The following ANKHD1 variants were observed in gnomAD, a reference collection of about 807,000 sequenced individuals.
ANKHD1 encodes the protein ankyrin repeat and KH domain containing 1.
ANKHD1 carries 31 observed loss-of-function variants against 230.5 expected under a neutral mutation model. The observed-to-expected ratio is 0.13, with a 90% CI of 0.10 to 0.18. The LOEUF (loss-of-function observed/expected upper bound fraction) is 0.18. Among genes scored for constraint, ANKHD1 ranks in the 10% least tolerant of loss-of-function variants. The pLI is 1.00. For synonymous variants in ANKHD1, 1,074 were observed against 1,117.6 expected (o/e 0.96, Z 0.78); for missense variants, 2,256 against 3,071.3 (o/e 0.73, Z 6.27).
At position 140,507,773 on chromosome 5, in the gene ANKHD1, T is replaced by C. The variant is rs1488485433; in HGVS notation, c.3552-12T>C. On this transcript the variant is annotated splice_polypyrimidine_tract_variant and intron_variant, in intron 19 of 33. Transcript: ENST00000360839. This position sits in a 1 kb window ranked among gnomAD's most constrained non-coding sequence, Gnocchi z 4.1. ...TATTATTTTAATTTTCTAAGCACATTTCCCCCTTTAGGACTGGGAGTAAAC... is the reference window on the plus strand; with the variant it reads ...TATTATTTTAATTTTCTAAGCACATCTCCCCCTTTAGGACTGGGAGTAAAC... 6.2e-7 allele frequency: 1 copy of C among 1,611,376 alleles called. No individual in the cohort carries two copies.
chr5:140,491,092 GTA>G (rs377535904), intron 14 of ANKHD1, among the ~76,000 whole-genome samples: 62,913 of 101,766 alleles, frequency 0.62, 20,205 homozygotes, highest in East Asian at 0.8. Flanking sequence ...GTGTGTGTGT[GTA>G]TATATATATA....
At chr5:140,474,501 CTT>C (rs958537806) in intron 10 of ANKHD1, among the ~76,000 whole-genome samples, 5 of 150,740 alleles carry the variant, frequency 3.3e-5, no homozygotes, top group South Asian at 2.1e-4. Flanking sequence ...ATAAAATAAA[CTT>C]AATTTAAAAT....
At chr5:140,536,518 A>G (rs1340009649) in intron 30 of ANKHD1, among the ~76,000 whole-genome samples, 1 of 152,246 alleles carries the variant, frequency 6.6e-6, no homozygotes, top group Non-Finnish European at 1.5e-5. Flanking sequence ...TTTGACAAGG[A>G]AAATTACCCA....
chr5:140,449,034 A>G (rs1333490148), intron 6 of ANKHD1, among the ~76,000 whole-genome samples, 177 bp from the exon 7 acceptor site: 1 of 152,208 alleles, frequency 6.6e-6, no homozygotes, highest in African/African-American at 2.4e-5. Context: ...AGACCTTGAA[A>G]AAAGCCTGTA....
chr5:140,446,315 TACAC>T (rs924070976), intron 6 of ANKHD1, among the ~76,000 whole-genome samples: 48 of 152,278 alleles, frequency 3.2e-4, no homozygotes, highest in African/African-American at 1.0e-3. Flanking sequence ...AAAGTAATAA[TACAC>T]ACAATACTGA....
intron 7 of ANKHD1, among the ~76,000 whole-genome samples, chr5:140,452,414 A>C (rs1774821412): frequency 6.6e-6 from 1 of 152,198 alleles, no homozygotes; most frequent in Non-Finnish European, 1.5e-5. Flanking sequence ...GAATGGACAG[A>C]CTGCCTCCTC....
At chr5:140,489,592 T>G (rs1751678962) in intron 14 of ANKHD1, among the ~76,000 whole-genome samples, 1 of 152,226 alleles carries the variant, frequency 6.6e-6, no homozygotes, top group African/African-American at 2.4e-5. Context: ...AGGTTTAATA[T>G]GTAAATACTC....
intron 15 of ANKHD1, among the ~76,000 whole-genome samples, chr5:140,498,430 G>A (rs1434461812): frequency 6.6e-6 from 1 of 152,178 alleles, no homozygotes; most frequent in Non-Finnish European, 1.5e-5. Context: ...ATAGAATTGT[G>A]ATATTGCCTT....
chr5:140,529,632 G>T lies in ANKHD1; in HGVS notation c.6686G>T (p.Gly2229Val). The T allele has an allele frequency of 1.2e-6, 2 of 1,614,196 alleles. No homozygotes were observed. The highest frequency in any genetic ancestry group is 1.7e-6 in the Non-Finnish European group (2 of 1,180,042). Reference sequence around the variant, plus strand: ...CAGGTGCCAGCTAACCAGGGCTGGGGAGATGGTCCACTGTCCTCACGAGTT... The same window carrying T: ...CAGGTGCCAGCTAACCAGGGCTGGGTAGATGGTCCACTGTCCTCACGAGTT... Reference protein sequence around the residue: ...SSQVPANQGWGDGPLSSRVAT... With the variant: ...SSQVPANQGWVDGPLSSRVAT... The change falls in exon 29 of 34, where the codon GGA (glycine) becomes GTA (valine). Residue 2229 changes from glycine (G) to valine (V), a missense_variant. Physicochemically the swap from Gly to Val is moderately radical, Grantham distance 109 (BLOSUM62 -3). Transcript: ENST00000360839.
chr5:140,441,802 A>C (rs1773869155), intron 5 of ANKHD1, among the ~76,000 whole-genome samples: 2 of 152,096 alleles, frequency 1.3e-5, no homozygotes, highest in African/African-American at 4.8e-5. Flanking sequence ...TAACTATATG[A>C]GAAAAATATG....
chr5:140,462,105 A>G (rs1056108498), intron 9 of ANKHD1, among the ~76,000 whole-genome samples: 2 of 151,286 alleles, frequency 1.3e-5, no homozygotes, highest in East Asian at 3.9e-4. Flanking sequence ...TTGTTTTTCT[A>G]TCCTTTGGAT....
At chr5:140,512,973 A>G in intron 23 of ANKHD1, 50 bp downstream of exon 23, 2 of 1,501,816 alleles carry the variant, frequency 1.3e-6, no homozygotes, top group Non-Finnish European at 1.8e-6. Flanking sequence ...GTGGAATGAT[A>G]TGCCAAAGTG....
chr5:140,528,109 A>G, intron 28 of ANKHD1, 75 bp from the exon 29 acceptor site: 1 of 1,533,260 alleles, frequency 6.5e-7, no homozygotes, highest in East Asian at 2.3e-5. Context: ...TAAGAACTTT[A>G]TTTGATGGTT....
At chr5:140,535,286 CT>C in intron 29 of ANKHD1, 75 bp from the exon 30 acceptor site, 1 of 1,494,498 alleles carries the variant, frequency 6.7e-7, no homozygotes, top group Non-Finnish European at 8.9e-7. Context: ...GCTTATCTCA[CT>C]TTGGTGGAAG....
intron 25 of ANKHD1, 31 bp from the exon 26 acceptor site, chr5:140,525,965 G>A: frequency 6.5e-7 from 1 of 1,533,890 alleles, no homozygotes. Context: ...CTGTGACTCA[G>A]TATGATTTTT....
At chr5:140,405,481 G>T (rs571491382) in intron 1 of ANKHD1, among the ~76,000 whole-genome samples, 2 of 152,034 alleles carry the variant, frequency 1.3e-5, no homozygotes, top group Non-Finnish European at 2.9e-5. Flanking sequence ...TTCTTTTTCT[G>T]TCTGACAAGA....
intron 14 of ANKHD1, among the ~76,000 whole-genome samples, chr5:140,488,629 G>A (rs1156426951): frequency 6.6e-6 from 1 of 151,840 alleles, no homozygotes; most frequent in Non-Finnish European, 1.5e-5. Context: ...GCCACGTGTG[G>A]TGGCTCACGC....
intron 1 of ANKHD1, among the ~76,000 whole-genome samples, chr5:140,424,466 T>C (rs141057144): frequency 2.5e-3 from 376 of 152,230 alleles, no homozygotes; most frequent in African/African-American, 8.4e-3. Context: ...TAGTTTTTAA[T>C]TTTATTTTTT....
intron 10 of ANKHD1, among the ~76,000 whole-genome samples, chr5:140,479,544 A>G (rs1331574733): frequency 1.3e-5 from 2 of 151,940 alleles, no homozygotes; most frequent in East Asian, 1.9e-4. Flanking sequence ...ACATATATGC[A>G]TTGATTCCCA....
Sources: gnomAD v4.1 joint callset for allele counts (sites outside exome capture counted in the v4.1 genomes callset) on GRCh38, gnomAD v4.1.1 for gene constraint, Gnocchi (gnomAD v3.1) non-coding constraint, MANE v1.5 for transcripts, NCBI Gene and HGNC (gene_info 2026-07-23, HGNC 2026-07-21) for gene names.